Variants in DNAJC3 observed in about 807,000 individuals in gnomAD.
DNAJC3 encodes the protein dnaJ homolog subfamily C member 3.
In DNAJC3, 38 loss-of-function variants were observed where a neutral mutation model predicts 68.6. The ratio of observed to expected loss-of-function variants is 0.55; its 90% CI spans 0.43 to 0.73. The LOEUF is 0.73. Ranked by LOEUF, DNAJC3 falls within the 30% of genes least tolerant of loss-of-function variation. The pLI is 0.00. For missense variants in DNAJC3, 526 were observed against 591.9 expected, an observed-to-expected ratio of 0.89 and a Z score of 1.16; for synonymous variants, 203 against 204.0, an observed-to-expected ratio of 1.00 and a Z score of 0.04.
chr13:95,719,567 C>T (rs73550584), intron 2 of DNAJC3, among the ~76,000 whole-genome samples: 2,589 of 152,194 alleles, frequency 0.017, 77 homozygotes, highest in African/African-American at 0.059. Flanking sequence ...AGCTACCAGC[C>T]GTTTCGTTAG....
In DNAJC3 at chr13:95,687,791, A is replaced by G. The variant is rs567872485; in HGVS notation, c.82+10454A>G. ...TGGTTTTATATGAATTTTAGAATAT[A>G]TATATTTTTAATTCTGTGAAAAATG... On this transcript the variant is annotated intron_variant, in intron 1 of 11. Coordinates refer to ENST00000602402, the MANE Select transcript of DNAJC3 (RefSeq NM_006260.5). 1.0e-3 allele frequency among the ~76,000 whole-genome samples: 155 copies of G among 152,256 alleles called. 1 individual carries two copies. The highest frequency in any genetic ancestry group is 3.6e-3 in the African/African-American group (149 of 41,536).
intron 1 of DNAJC3, chr13:95,694,144 C>T (rs1031752025): frequency 1.3e-5 from 2 of 152,204 alleles, no homozygotes; most frequent in African/African-American, 4.8e-5. Context: ...TCCTACACTA[C>T]TAAAATTAAT....
rs576373663 is a variant in DNAJC3, at chr13:95,773,689, C to G, written c.1075+9736C>G. Among the ~76,000 whole-genome samples, 194 of 147,356 alleles carry G rather than the reference C, an allele frequency of 1.3e-3. 1 individual carries two copies. The highest frequency in any genetic ancestry group is 7.0e-3 in the Middle Eastern group (2 of 284). ...TTAATAATTTGTATTTTCTTTTTTT[C>G]CTGTTGATCATTGTAGACAAAGTTT... On this transcript the variant is annotated intron_variant, in intron 9 of 11. Coordinates refer to ENST00000602402, the MANE Select transcript of DNAJC3 (RefSeq NM_006260.5).
chr13:95,790,652 T>G (rs1883739669), intron 11 of DNAJC3, among the ~76,000 whole-genome samples: 1 of 152,026 alleles, frequency 6.6e-6, no homozygotes, highest in South Asian at 2.1e-4. Flanking sequence ...AAATACCTAT[T>G]ATCAACCCTG....
chr13:95,734,016 G>A (rs1196670035), intron 4 of DNAJC3, among the ~76,000 whole-genome samples: 1 of 152,120 alleles, frequency 6.6e-6, no homozygotes, highest in Non-Finnish European at 1.5e-5. Context: ...TTTTCTGGAT[G>A]TTTTGTATAT....
chr13:95,688,925 T>TGGGGG (rs140263730), intron 1 of DNAJC3, among the ~76,000 whole-genome samples: 10 of 112,994 alleles, frequency 8.9e-5, no homozygotes, highest in African/African-American at 2.7e-4. Flanking sequence ...TTTGATTGTG[T>TGGGGG]GGGTGTGTGT....
chr13:95,738,511 A>C (rs1160341671), intron 4 of DNAJC3, among the ~76,000 whole-genome samples: 1 of 151,994 alleles, frequency 6.6e-6, no homozygotes, highest in Non-Finnish European at 1.5e-5. Flanking sequence ...TTGCTCCTGT[A>C]TTGGGTGCAT....
intron 1 of DNAJC3, among the ~76,000 whole-genome samples, chr13:95,688,093 G>C (rs1322677942): frequency 3.3e-5 from 5 of 152,152 alleles, no homozygotes; most frequent in Admixed American, 1.3e-4. Flanking sequence ...TGTTGTCAGT[G>C]TATATAAATG....
intron 4 of DNAJC3, among the ~76,000 whole-genome samples, chr13:95,756,381 A>G (rs1205303780): frequency 6.6e-6 from 1 of 152,212 alleles, no homozygotes. Flanking sequence ...GGAGGTTACC[A>G]ATTCCTAGTT....
intron 9 of DNAJC3, among the ~76,000 whole-genome samples, chr13:95,768,731 T>C (rs1453115149): frequency 6.6e-6 from 1 of 152,062 alleles, no homozygotes; most frequent in East Asian, 1.9e-4. Flanking sequence ...TCCCAGCACT[T>C]TGGGAGGCCG....
In DNAJC3 at chr13:95,741,259, G is replaced by A. The variant is rs1882133429; in HGVS notation, c.393+16007G>A. 3.3e-5 allele frequency among the ~76,000 whole-genome samples: 5 copies of A among 152,116 alleles called. 1 individual carries two copies. In the South Asian group the frequency reaches 1.0e-3, roughly 32 times the overall value. On this transcript the variant is annotated intron_variant, in intron 4 of 11. Coordinates refer to ENST00000602402, the MANE Select transcript of DNAJC3 (RefSeq NM_006260.5). The stretch of plus-strand genomic sequence containing the variant: ...TAAGATGTGTTTGTGATTTTGGTTG[G>A]GTAGAGCACTTTGGCTTTGATTCTT...
chr13:95,690,945 G>A (rs112553729), intron 1 of DNAJC3, among the ~76,000 whole-genome samples: 33,957 of 117,524 alleles, frequency 0.29, 4,966 homozygotes, highest in Middle Eastern at 0.38. Flanking sequence ...CCTCCCGGAC[G>A]GGGCGGCTGG....
At chr13:95,695,039 G>C (rs1004045823) in intron 1 of DNAJC3, 12 of 152,226 alleles carry the variant, frequency 7.9e-5, no homozygotes, top group African/African-American at 2.9e-4. Flanking sequence ...CCATATATTG[G>C]AACGGATCTT....
chr13:95,679,332 C>CT (rs1237641306), intron 1 of DNAJC3, among the ~76,000 whole-genome samples: 2 of 151,232 alleles, frequency 1.3e-5, no homozygotes, highest in Non-Finnish European at 2.9e-5. Flanking sequence ...CTGTACCCCA[C>CT]TTACAGAGTT....
chr13:95,757,366 T>C (rs1225256816), intron 4 of DNAJC3, among the ~76,000 whole-genome samples: 1 of 152,244 alleles, frequency 6.6e-6, no homozygotes, highest in Non-Finnish European at 1.5e-5. Flanking sequence ...CGTTCTTCTC[T>C]GTCCTTTCAC....
At chr13:95,753,784 T>C (rs1882563280) in intron 4 of DNAJC3, among the ~76,000 whole-genome samples, 1 of 152,198 alleles carries the variant, frequency 6.6e-6, no homozygotes, top group South Asian at 2.1e-4. Context: ...ATGTGTTACA[T>C]AGAGTATCTT....
chr13:95,700,113 C>A (rs540215369), intron 1 of DNAJC3, among the ~76,000 whole-genome samples: 1 of 152,124 alleles, frequency 6.6e-6, no homozygotes, highest in Non-Finnish European at 1.5e-5. Context: ...TTGCAACTGG[C>A]CTACTTTTAT....
chr13:95,718,387 C>G (rs185876258), intron 2 of DNAJC3, among the ~76,000 whole-genome samples: 1 of 152,312 alleles, frequency 6.6e-6, no homozygotes, highest in Admixed American at 6.5e-5. Flanking sequence ...TTTTGATTTA[C>G]TGTGCAGGTG....
At chr13:95,714,741 T>C (rs1006585835) in intron 2 of DNAJC3, among the ~76,000 whole-genome samples, 5 of 152,238 alleles carry the variant, frequency 3.3e-5, no homozygotes, top group African/African-American at 1.2e-4. Context: ...TCAGTTACTG[T>C]CTTAGAAAAA....
Sources: allele counts gnomAD v4.1 joint callset (sites outside exome capture counted in the v4.1 genomes callset), GRCh38; gene constraint gnomAD v4.1.1; transcripts MANE v1.5; gene names NCBI Gene and HGNC (gene_info 2026-07-23, HGNC 2026-07-21).